The following FOXJ3 variants were observed in gnomAD, a reference collection of about 807,000 sequenced individuals.
FOXJ3 encodes the protein forkhead box J3.
In FOXJ3, 22 loss-of-function variants were observed where a neutral mutation model predicts 76.1. That is an observed-to-expected ratio of 0.29 (90% CI 0.21 to 0.41). FOXJ3 has a LOEUF of 0.41. Ranked by LOEUF, FOXJ3 falls within the 10% of genes least tolerant of loss-of-function variation. The probability of loss-of-function intolerance (pLI) is 1.00; values close to 1 mark genes in which losing one functional copy is unlikely to be tolerated. For synonymous variants in FOXJ3, 269 were observed against 261.2 expected, an observed-to-expected ratio of 1.03 and a Z score of -0.29; for missense variants, 613 against 762.1, an observed-to-expected ratio of 0.80 and a Z score of 2.30.
chr1:42,320,011 A>C (rs1242126216), intron 1 of FOXJ3, among the ~76,000 whole-genome samples: 1 of 152,224 alleles, frequency 6.6e-6, no homozygotes, highest in African/African-American at 2.4e-5. Context: ...ATTATCAAGG[A>C]AACTACCACT....
intron 3 of FOXJ3, among the ~76,000 whole-genome samples, chr1:42,278,109 A>C (rs545832362): frequency 6.6e-6 from 1 of 152,088 alleles, no homozygotes; most frequent in African/African-American, 2.4e-5. Context: ...TGAACGCTAC[A>C]TTATCCCCGC....
chr1:42,248,427 G>A (rs930578294), intron 4 of FOXJ3, among the ~76,000 whole-genome samples: 2 of 151,780 alleles, frequency 1.3e-5, no homozygotes, highest in Non-Finnish European at 2.9e-5. Flanking sequence ...CCAGCTACTC[G>A]GGAGGCTGAG....
intron 2 of FOXJ3, among the ~76,000 whole-genome samples, chr1:42,296,160 T>C (rs181607329): frequency 1.6e-4 from 24 of 152,376 alleles, no homozygotes; most frequent in African/African-American, 5.8e-4. Context: ...AAATGTCTCA[T>C]GTCCTCTGCC....
chr1:42,317,244 T>A (rs988574353), intron 1 of FOXJ3, among the ~76,000 whole-genome samples: 3 of 151,872 alleles, frequency 2.0e-5, no homozygotes, highest in Non-Finnish European at 2.9e-5. Context: ...TAGTAACAGG[T>A]AATCATTAAA....
chr1:42,319,184 C>T (rs1415292804), intron 1 of FOXJ3, among the ~76,000 whole-genome samples: 1 of 152,016 alleles, frequency 6.6e-6, no homozygotes, highest in Admixed American at 6.6e-5. Flanking sequence ...GAGCTGTGAT[C>T]GTGTCACTGC....
intron 5 of FOXJ3, among the ~76,000 whole-genome samples, chr1:42,224,174 T>C (rs547586466): frequency 2.0e-5 from 3 of 152,294 alleles, no homozygotes; most frequent in Admixed American, 6.5e-5. Flanking sequence ...AAAAGAAATA[T>C]GAGATTCCTA....
chr1:42,241,500 C>T (rs997651463), intron 4 of FOXJ3, among the ~76,000 whole-genome samples: 9 of 152,206 alleles, frequency 5.9e-5, no homozygotes, highest in African/African-American at 1.4e-4. Flanking sequence ...AAGCACACTG[C>T]CTAGGGGACC....
chr1:42,292,306 C>T (rs2124708007), intron 2 of FOXJ3, among the ~76,000 whole-genome samples: 1 of 152,286 alleles, frequency 6.6e-6, no homozygotes, highest in African/African-American at 2.4e-5. Flanking sequence ...TTTAAAAAGG[C>T]ATAACTGCTT....
intron 5 of FOXJ3, among the ~76,000 whole-genome samples, chr1:42,216,379 G>C (rs939640376): frequency 6.6e-6 from 1 of 151,740 alleles, no homozygotes; most frequent in Non-Finnish European, 1.5e-5. Context: ...TTAGCCGGGC[G>C]TGGTAGCGGG....
chr1:42,193,399 C>CTT (rs542481846), intron 8 of FOXJ3, among the ~76,000 whole-genome samples: 26 of 132,206 alleles, frequency 2.0e-4, no homozygotes, highest in African/African-American at 4.7e-4. Context: ...ATCGATGTTC[C>CTT]TTTTTTTTTT....
At chr1:42,200,248 C>T (rs945315244) in intron 6 of FOXJ3, among the ~76,000 whole-genome samples, 20 of 152,234 alleles carry the variant, frequency 1.3e-4, no homozygotes, top group Non-Finnish European at 2.6e-4. Context: ...CAGGTAACCA[C>T]TTCTATCACT....
At chr1:42,292,271 A>G (rs560132138) in intron 2 of FOXJ3, among the ~76,000 whole-genome samples, 27 of 152,356 alleles carry the variant, frequency 1.8e-4, no homozygotes, top group Non-Finnish European at 2.6e-4. Flanking sequence ...GAGCAAATGG[A>G]ACTCTTACAT....
At chr1:42,213,471 TAAA>T (rs76717485) in intron 5 of FOXJ3, among the ~76,000 whole-genome samples, 1 of 132,318 alleles carries the variant, frequency 7.6e-6, no homozygotes, top group Non-Finnish European at 1.6e-5. Context: ...CAACAACAGT[TAAA>T]AAAAAAAAAA....
At chr1:42,319,307 A>G (rs1048193749) in intron 1 of FOXJ3, among the ~76,000 whole-genome samples, 1 of 152,238 alleles carries the variant, frequency 6.6e-6, no homozygotes, top group Non-Finnish European at 1.5e-5. Context: ...ATATCCACAT[A>G]ATGGAATAAC....
intron 4 of FOXJ3, among the ~76,000 whole-genome samples, chr1:42,260,532 T>C (rs774884007): frequency 2.2e-4 from 34 of 152,056 alleles, no homozygotes; most frequent in Non-Finnish European, 5.9e-5. Context: ...GAGAACTCCA[T>C]CTCCACAAAA....
chr1:42,318,933 C>CA (rs1270136090), intron 1 of FOXJ3, among the ~76,000 whole-genome samples: 1 of 151,924 alleles, frequency 6.6e-6, no homozygotes, highest in African/African-American at 2.4e-5. Flanking sequence ...ATCATAATAG[C>CA]AAAAAAATGA....
rs528416995 is a variant in FOXJ3 at position 42,181,901 on chromosome 1, T to A, written c.1753+16A>T. 9.8e-5 allele frequency: 135 copies of A among 1,383,714 alleles called. No homozygotes were observed. Among genetic ancestry groups the A allele is most frequent in the African/African-American group, 8.8e-4 (60 of 68,088 alleles). 85.7% of individuals were successfully genotyped at this position (1,383,714 alleles called of 1,614,324 possible). A position where few individuals can be genotyped will look rare whatever the true frequency, so the allele number is the denominator to read the frequency against. Reference sequence around the variant, plus strand: ...CACACACACACACACACACTCACTCTCTCTCTCTCTCTTACCTGCCATCGT... The same window carrying A: ...CACACACACACACACACACTCACTCACTCTCTCTCTCTTACCTGCCATCGT... On this transcript the variant is annotated intron_variant, in intron 12 of 12. Coordinates refer to ENST00000361346, the MANE Select transcript of FOXJ3 (RefSeq NM_014947.5).
intron 5 of FOXJ3, among the ~76,000 whole-genome samples, chr1:42,216,141 C>G (rs929676890): frequency 2.6e-5 from 4 of 151,928 alleles, no homozygotes; most frequent in African/African-American, 9.7e-5. Context: ...GTTCTTTAGG[C>G]AGGGGGAAAT....
intron 4 of FOXJ3, among the ~76,000 whole-genome samples, chr1:42,257,746 A>AAG (rs2124601278): frequency 6.6e-6 from 1 of 151,492 alleles, no homozygotes; most frequent in South Asian, 2.1e-4. Context: ...TCAAAAAAAA[A>AAG]AAAAGAAAGA....
Sources: gnomAD v4.1 joint callset for allele counts (sites outside exome capture counted in the v4.1 genomes callset) on GRCh38, gnomAD v4.1.1 for gene constraint, MANE v1.5 for transcripts, NCBI Gene and HGNC (gene_info 2026-07-23, HGNC 2026-07-21) for gene names.